SOX5: variants seen among roughly 807,000 people sequenced by gnomAD.
The protein encoded by SOX5 is transcription factor SOX-5.
A neutral mutation model predicts 92.0 loss-of-function variants in SOX5; 9 were observed. The observed-to-expected ratio is 0.10, with a 90% CI of 0.06 to 0.17. The LOEUF is 0.17. Among genes scored for constraint, SOX5 ranks in the 10% least tolerant of loss-of-function variants. SOX5 has a pLI of 1.00. For missense variants in SOX5, 642 were observed against 944.5 expected (o/e 0.68, Z 4.20); for synonymous variants, 344 against 336.3 (o/e 1.02, Z -0.25).
intron 4 of SOX5, among the ~76,000 whole-genome samples, chr12:24,158,716 G>T (rs1349474604): frequency 6.6e-6 from 1 of 151,838 alleles, no homozygotes; most frequent in African/African-American, 2.4e-5. Context: ...ACCTCAAAAA[G>T]CAAAACTCCT....
At chr12:24,151,277 T>C (rs1045449158) in intron 4 of SOX5, among the ~76,000 whole-genome samples, 3 of 152,156 alleles carry the variant, frequency 2.0e-5, no homozygotes, top group African/African-American at 4.8e-5. Flanking sequence ...ATTTTTATTA[T>C]ACTCTAATTT....
intron 2 of SOX5, among the ~76,000 whole-genome samples, chr12:23,855,349 G>A (rs1253166216): frequency 6.6e-6 from 1 of 151,900 alleles, no homozygotes; most frequent in Non-Finnish European, 1.5e-5. Context: ...TTTTACCTCT[G>A]TTGCATATTC....
intron 4 of SOX5, among the ~76,000 whole-genome samples, chr12:24,199,606 T>C (rs991789898): frequency 2.0e-5 from 3 of 152,144 alleles, no homozygotes; most frequent in Non-Finnish European, 4.4e-5. Flanking sequence ...ATAACACTAG[T>C]CTGTCTAGGT....
In SOX5 at chr12:23,811,097, C is replaced by T. The variant is rs551807910; in HGVS notation, c.481+34886G>A. Among the ~76,000 whole-genome samples, 45 of 152,088 alleles carry T rather than the reference C, an allele frequency of 3.0e-4. 1 individual carries two copies. The South Asian group carries it at 8.5e-3, about 29-fold the overall frequency. On this transcript the variant is annotated intron_variant, in intron 3 of 14. Transcript: ENST00000451604. ...CCTCAAAAGATGCTTGTAAAAGCCT[C>T]GATTTCTGTATTCTTATGAACACAA...
chr12:24,425,198 C>G (rs1320154337), intron 1 of SOX5, among the ~76,000 whole-genome samples: 1 of 152,140 alleles, frequency 6.6e-6, no homozygotes, highest in African/African-American at 2.4e-5. Context: ...AACTGTGGCC[C>G]TAGGGACTAT....
intron 4 of SOX5, among the ~76,000 whole-genome samples, chr12:24,047,404 T>C (rs1234589765): frequency 6.6e-6 from 1 of 152,250 alleles, no homozygotes; most frequent in Non-Finnish European, 1.5e-5. Context: ...AATTATTTCA[T>C]ATGGACACTC....
At chr12:23,758,843 T>C (rs561819183) in intron 3 of SOX5, among the ~76,000 whole-genome samples, 53 of 152,104 alleles carry the variant, frequency 3.5e-4, no homozygotes, top group African/African-American at 1.2e-3. Flanking sequence ...CTCTCGTGTG[T>C]GCACTCCCTT....
At chr12:24,034,570 A>AT (rs34793688) in intron 4 of SOX5, among the ~76,000 whole-genome samples, 15,932 of 144,082 alleles carry the variant, frequency 0.11, 939 homozygotes, top group African/African-American at 0.16. Context: ...GCTCGGGAGG[A>AT]TTTTTTTTTT....
At chr12:24,331,244 TA>T (rs1024787414) in intron 2 of SOX5, 2 of 152,210 alleles carry the variant, frequency 1.3e-5, no homozygotes, top group African/African-American at 4.8e-5. Context: ...CATTTGACTT[TA>T]GCAGTCTTCC....
At chr12:23,691,916 C>G (rs1294592573) in intron 6 of SOX5, among the ~76,000 whole-genome samples, 3 of 152,024 alleles carry the variant, frequency 2.0e-5, no homozygotes, top group African/African-American at 7.2e-5. Context: ...TGTTGTCGTT[C>G]ACCTCATCTA....
intron 4 of SOX5, among the ~76,000 whole-genome samples, chr12:24,155,149 A>C (rs887693251): frequency 6.6e-6 from 1 of 152,130 alleles, no homozygotes; most frequent in Admixed American, 6.6e-5. Context: ...ATATTTGAAG[A>C]GTGAATATAA....
chr12:24,300,570 T>C (rs1468991693), intron 2 of SOX5, among the ~76,000 whole-genome samples: 1 of 152,240 alleles, frequency 6.6e-6, no homozygotes, highest in Non-Finnish European at 1.5e-5. Flanking sequence ...ATTATGGATT[T>C]CAGTCTGTGA....
At chr12:23,980,532 T>A (rs976680221) in intron 4 of SOX5, among the ~76,000 whole-genome samples, 1 of 152,176 alleles carries the variant, frequency 6.6e-6, no homozygotes, top group African/African-American at 2.4e-5. Context: ...AGAATCCTGA[T>A]GCATATTTGA....
At chr12:23,711,014 T>A (rs548750695) in intron 6 of SOX5, among the ~76,000 whole-genome samples, 4 of 152,324 alleles carry the variant, frequency 2.6e-5, no homozygotes, top group African/African-American at 7.2e-5. Flanking sequence ...TCAATATAGA[T>A]CCATCAGTTC....
chr12:24,024,296 T>C (rs1954637036), intron 4 of SOX5, among the ~76,000 whole-genome samples: 1 of 152,022 alleles, frequency 6.6e-6, no homozygotes, highest in African/African-American at 2.4e-5. Context: ...ACAAAATAAT[T>C]TCTTTTGATT....
intron 9 of SOX5, among the ~76,000 whole-genome samples, chr12:23,602,011 G>A (rs1201111381): frequency 1.3e-5 from 2 of 152,122 alleles, no homozygotes; most frequent in South Asian, 2.1e-4. Context: ...TACAATAATT[G>A]TGGATGGAAA....
At chr12:23,596,668 G>C (rs928659571) in intron 9 of SOX5, among the ~76,000 whole-genome samples, 2 of 152,116 alleles carry the variant, frequency 1.3e-5, no homozygotes, top group African/African-American at 2.4e-5. Flanking sequence ...CTGTTTTAAA[G>C]TATGCTTTAG....
Position 24,056,713 on chromosome 12 carries a change from C to T in SOX5, c.-2+156630G>A, listed in dbSNP as rs1305664035. ...AATTCAGGCCGGGCGCGGTGGCTCA[C>T]GCCTGTAATCCCAGCACTTTGGGAG... On this transcript the variant is annotated intron_variant, in intron 4 of 4. Transcript: ENST00000446891. Among the ~76,000 whole-genome samples the T allele has an allele frequency of 7.2e-5, 11 of 151,854 alleles. 1 individual carries two copies. The highest frequency in any genetic ancestry group is 6.6e-4 in the Admixed American group (10 of 15,250).
chr12:24,339,423 G>A (rs1244537185), intron 2 of SOX5, among the ~76,000 whole-genome samples: 1 of 152,042 alleles, frequency 6.6e-6, no homozygotes, highest in Non-Finnish European at 1.5e-5. Flanking sequence ...CAGGTGAGAG[G>A]GGCATGATGG....
Sources: allele counts gnomAD v4.1 joint callset (sites outside exome capture counted in the v4.1 genomes callset), GRCh38; gene constraint gnomAD v4.1.1; transcripts MANE v1.5; gene names NCBI Gene and HGNC (gene_info 2026-07-23, HGNC 2026-07-21).